Variants in ZNF761 observed in about 807,000 individuals in gnomAD.
ZNF761 encodes the protein zinc finger protein 761.
Under a neutral mutation model 59.9 loss-of-function variants are expected in ZNF761, and 43 were observed. The ratio of observed to expected loss-of-function variants is 0.72; its 90% CI spans 0.56 to 0.92. The LOEUF is 0.92. Ranked by LOEUF, ZNF761 falls within the 40% of genes least tolerant of loss-of-function variation. The pLI is 0.00. For missense variants in ZNF761, 850 were observed against 906.1 expected, an observed-to-expected ratio of 0.94 and a Z score of 0.79; for synonymous variants, 294 against 304.8, an observed-to-expected ratio of 0.96 and a Z score of 0.37.
Position 53,455,482 on chromosome 19 carries a change from A to C in ZNF761, c.975A>C (p.Pro325=). 6.2e-7 allele frequency: 1 copy of C among 1,613,514 alleles called. No individual in the cohort carries two copies. The highest frequency in any genetic ancestry group is 8.5e-7 in the Non-Finnish European group (1 of 1,179,908). The change falls in exon 5 of 5, where the codon CCA becomes CCC. Residue 325 remains proline (P), a synonymous_variant. Coordinates refer to ENST00000684525, the MANE Select transcript of ZNF761 (RefSeq NM_001289951.2). ...RHRIIHTEEK[P]YKCNECGKTF... ...GGATAATTCATACTGAAGAGAAACC[A>C]TATAAGTGTAATGAGTGTGGCAAGA...
intron 1 of ZNF761, among the ~76,000 whole-genome samples, chr19:53,441,589 G>A (rs1014052135): frequency 1.3e-5 from 2 of 151,736 alleles, no homozygotes; most frequent in Non-Finnish European, 2.9e-5. Context: ...TGGGACTACA[G>A]TCCCGCACCA....
chr19:53,453,336 C>A (rs150931269), intron 4 of ZNF761, among the ~76,000 whole-genome samples: 1,679 of 152,248 alleles, frequency 0.011, 18 homozygotes, highest in South Asian at 0.037. Flanking sequence ...ACTTCTTTGA[C>A]CTCATAAATC....
At chr19:53,436,861 G>A (rs34603839) in intron 1 of ZNF761, among the ~76,000 whole-genome samples, 45,716 of 152,072 alleles carry the variant, frequency 0.3, 7,921 homozygotes, top group South Asian at 0.54. Flanking sequence ...CCTCTGGCAC[G>A]GGGCAGTTCG....
At chr19:53,436,632 G>T (rs534181254) in intron 1 of ZNF761, among the ~76,000 whole-genome samples, 9 of 152,324 alleles carry the variant, frequency 5.9e-5, no homozygotes, top group African/African-American at 1.7e-4. Flanking sequence ...CTGATAGTCT[G>T]TGTGTAGCTT....
intron 3 of ZNF761, among the ~76,000 whole-genome samples, chr19:53,447,650 T>C (rs10404256): frequency 0.017 from 2,559 of 152,268 alleles, 81 homozygotes; most frequent in African/African-American, 0.058. Flanking sequence ...ATGGAAGTCA[T>C]GTATTCATGT....
At chr19:53,436,221 C>A (rs1416501261) in intron 1 of ZNF761, among the ~76,000 whole-genome samples, 2 of 152,142 alleles carry the variant, frequency 1.3e-5, no homozygotes, top group African/African-American at 4.8e-5. Flanking sequence ...AGTACAGGGC[C>A]CATCCTATAT....
chr19:53,441,807 C>A, intron 1 of ZNF761: 2 of 1,215,812 alleles, frequency 1.6e-6, no homozygotes, highest in Non-Finnish European at 2.4e-6. Flanking sequence ...GAGGAGTCTG[C>A]AATGCCGAGT....
At position 53,455,289 on chromosome 19, in the gene ZNF761, G is replaced by A. The variant is rs533098578; in HGVS notation, c.782G>A (p.Arg261His). 86 of 1,614,206 alleles carry A rather than the reference G, an allele frequency of 5.3e-5. 1 individual carries two copies. In the Admixed American group the frequency reaches 7.3e-4, roughly 14 times the overall value. The change falls in exon 5 of 5, where the codon CGT becomes CAT. Residue 261 changes from arginine to histidine, a missense_variant. Transcript: ENST00000684525. The stretch of plus-strand genomic sequence containing the variant: ...CAGAAGCGAAACCTAGCATGCCATC[G>A]TAGATGTCACACTGGTGAGAATCCT... ...FNQKRNLACH[R>H]RCHTGENPYK...
chr19:53,457,531 C>T lies in ZNF761; in HGVS notation c.*783C>T. On this transcript the variant is annotated 3_prime_UTR_variant, in exon 5 of 5. Transcript: ENST00000684525. Reference sequence around the variant, plus strand: ...CAAGGTCTTCAGTCTGAGTTCACTCCTTGCAGAATATGAGAAAATTCATTT... The same window carrying T: ...CAAGGTCTTCAGTCTGAGTTCACTCTTTGCAGAATATGAGAAAATTCATTT... 3 of 347,832 alleles carry T rather than the reference C, an allele frequency of 8.6e-6. No homozygotes were observed. Among genetic ancestry groups the T allele is most frequent in the Non-Finnish European group, 1.7e-5 (3 of 176,708 alleles). The allele number at this position is 347,832 out of a possible 1,614,324, so 21.5% of individuals were successfully genotyped here.
At chr19:53,438,727 A>C (rs1470889589) in intron 1 of ZNF761, among the ~76,000 whole-genome samples, 2 of 152,198 alleles carry the variant, frequency 1.3e-5, no homozygotes, top group Non-Finnish European at 2.9e-5. Context: ...GCTTCCTCTC[A>C]TAGCCAAACC....
At chr19:53,449,272 G>A (rs184703101) in intron 3 of ZNF761, among the ~76,000 whole-genome samples, 3 of 152,162 alleles carry the variant, frequency 2.0e-5, no homozygotes, top group Admixed American at 2.0e-4. Flanking sequence ...GGAGGTTGCA[G>A]TGAGCGCAGA....
chr19:53,440,693 AT>A (rs919771125), intron 1 of ZNF761, among the ~76,000 whole-genome samples: 2 of 38,470 alleles, frequency 5.2e-5, no homozygotes, highest in African/African-American at 1.0e-4. Context: ...AATAATTAGT[AT>A]TTTGAGACAG....
At chr19:53,434,442 A>C (rs773111776) in intron 1 of ZNF761, among the ~76,000 whole-genome samples, 1 of 152,164 alleles carries the variant, frequency 6.6e-6, no homozygotes, top group Non-Finnish European at 1.5e-5. Context: ...CACAGATCCA[A>C]TAGAGACCAG....
chr19:53,442,287 A>G, intron 1 of ZNF761: 1 of 1,333,182 alleles, frequency 7.5e-7, no homozygotes, highest in East Asian at 2.3e-5. Context: ...CATGGGATGC[A>G]CAGAGGAACG....
chr19:53,444,182 G>C (rs2086129668), intron 1 of ZNF761: 1 of 152,178 alleles, frequency 6.6e-6, no homozygotes, highest in African/African-American at 2.4e-5. Context: ...CTGTCCCCCA[G>C]CCCAACACCC....
rs369574194 is a variant in ZNF761, at chr19:53,455,096, T to C, written c.589T>C (p.Trp197Arg). The change falls in exon 5 of 5, where the codon TGG becomes CGG. Residue 197 changes from tryptophan (W) to arginine (R), a missense_variant. Physicochemically the swap from Trp to Arg is moderately radical, Grantham distance 101 (BLOSUM62 -3). Coordinates refer to ENST00000684525, the MANE Select transcript of ZNF761 (RefSeq NM_001289951.2). ...ATCTAATAACCATGGGAATAATTTCTGGAATTCTTCATTACTCACACAAAA... is the reference window on the plus strand; with the variant it reads ...ATCTAATAACCATGGGAATAATTTCCGGAATTCTTCATTACTCACACAAAA... ...HISNNHGNNF[W>R]NSSLLTQKQE... The C allele has an allele frequency of 4.8e-5, 77 of 1,614,086 alleles. No homozygotes were observed. Among genetic ancestry groups the C allele is most frequent in the Non-Finnish European group, 5.7e-5 (67 of 1,180,040 alleles).
chr19:53,437,929 G>A (rs569799999), intron 1 of ZNF761, among the ~76,000 whole-genome samples: 27 of 139,792 alleles, frequency 1.9e-4, no homozygotes, highest in African/African-American at 6.9e-4. Flanking sequence ...CAGAGGCTGA[G>A]CCTCTACTAC....
intron 4 of ZNF761, among the ~76,000 whole-genome samples, chr19:53,453,549 A>G (rs1351663914): frequency 6.6e-6 from 1 of 152,178 alleles, no homozygotes; most frequent in Non-Finnish European, 1.5e-5. Context: ...GGTATGTGGT[A>G]TGCAATATAA....
rs115926504 is a variant in ZNF761, at chr19:53,440,871, T to C, written c.-184-5356T>C. On this transcript the variant is annotated intron_variant, in intron 1 of 4. Transcript: ENST00000684525. ...TGTACATTTTTGGTAGAAACGCGTT[T>C]CACTACGTTTCCCAGGCTGGTCTCA... 9.7e-3 allele frequency among the ~76,000 whole-genome samples: 1,482 copies of C among 152,226 alleles called. 22 individuals carry two copies. The highest frequency in any genetic ancestry group is 0.034 in the African/African-American group (1,392 of 41,540).
Sources: allele counts gnomAD v4.1 joint callset (sites outside exome capture counted in the v4.1 genomes callset), GRCh38; gene constraint gnomAD v4.1.1; transcripts MANE v1.5; gene names NCBI Gene and HGNC (gene_info 2026-07-23, HGNC 2026-07-21).